The following ROBO2 variants were observed in gnomAD, a reference collection of about 807,000 sequenced individuals.
The protein encoded by ROBO2 is roundabout homolog 2.
A neutral mutation model predicts 160.8 loss-of-function variants in ROBO2; 53 were observed. The observed-to-expected ratio is 0.33, with a 90% CI of 0.26 to 0.41. The LOEUF (loss-of-function observed/expected upper bound fraction) is 0.41. Among genes scored for constraint, ROBO2 ranks in the 10% least tolerant of loss-of-function variants. ROBO2 has a pLI of 1.00. For missense variants in ROBO2, 1,577 were observed against 1,722.4 expected (o/e 0.92, Z 1.49); for synonymous variants, 664 against 611.7 (o/e 1.09, Z -1.26).
At chr3:76,911,272 C>A (rs1292852381) in intron 2 of ROBO2, among the ~76,000 whole-genome samples, 2 of 152,120 alleles carry the variant, frequency 1.3e-5, no homozygotes, top group Non-Finnish European at 2.9e-5. Flanking sequence ...CTGACATAAC[C>A]TTTCCTTTTT....
intron 23 of ROBO2, among the ~76,000 whole-genome samples, chr3:77,626,379 C>T (rs535739002): frequency 6.6e-6 from 1 of 152,114 alleles, no homozygotes; most frequent in Admixed American, 6.5e-5. Context: ...TTGCAATGAA[C>T]CTCATTTTAA....
chr3:77,540,125 G>A (rs548794630), intron 6 of ROBO2, among the ~76,000 whole-genome samples: 1 of 152,136 alleles, frequency 6.6e-6, no homozygotes, highest in African/African-American at 2.4e-5. Flanking sequence ...AAGCACTATA[G>A]GTTTATGAAT....
chr3:76,440,181 T>G (rs1033618800), intron 2 of ROBO2, among the ~76,000 whole-genome samples: 4 of 152,094 alleles, frequency 2.6e-5, no homozygotes, highest in African/African-American at 9.7e-5. Flanking sequence ...TAGCAAGACC[T>G]GGGGTCCAGA....
chr3:77,286,947 T>C (rs1019715126), intron 2 of ROBO2, among the ~76,000 whole-genome samples: 4 of 152,240 alleles, frequency 2.6e-5, no homozygotes, highest in African/African-American at 9.6e-5. Flanking sequence ...CTGACTCCTT[T>C]GTACAAGTGA....
chr3:77,378,900 G>A (rs756788048), intron 2 of ROBO2, among the ~76,000 whole-genome samples: 5 of 151,196 alleles, frequency 3.3e-5, no homozygotes, highest in East Asian at 1.9e-4. Flanking sequence ...CCCGGCATGC[G>A]TAACAAGTCA....
chr3:76,825,115 C>T (rs1182830256), intron 2 of ROBO2, among the ~76,000 whole-genome samples: 2 of 152,122 alleles, frequency 1.3e-5, no homozygotes, highest in African/African-American at 2.4e-5. Flanking sequence ...CACACCAGAA[C>T]GTGTAAAAGA....
intron 2 of ROBO2, among the ~76,000 whole-genome samples, chr3:76,505,308 A>T (rs576952534): frequency 2.6e-5 from 4 of 152,066 alleles, no homozygotes; most frequent in African/African-American, 9.7e-5. Flanking sequence ...TGTTTCCTCA[A>T]TTAGGAGCTC....
intron 2 of ROBO2, among the ~76,000 whole-genome samples, chr3:77,376,433 C>T (rs1017934063): frequency 4.6e-5 from 7 of 152,054 alleles, no homozygotes; most frequent in South Asian, 2.1e-4. Flanking sequence ...GCTGTGATTA[C>T]AGACGTGAGC....
chr3:77,299,735 T>C (rs1263427538), intron 2 of ROBO2, among the ~76,000 whole-genome samples: 2 of 152,136 alleles, frequency 1.3e-5, no homozygotes, highest in Non-Finnish European at 1.5e-5. Flanking sequence ...TCTTAGATTA[T>C]GATTGCAAAA....
At chr3:76,759,838 G>A (rs778015116) in intron 2 of ROBO2, among the ~76,000 whole-genome samples, 2 of 151,730 alleles carry the variant, frequency 1.3e-5, no homozygotes, top group Non-Finnish European at 2.9e-5. Flanking sequence ...TTTGGAGCCG[G>A]TGGGATTCCC....
chr3:76,194,350 G>GTGTGTGTATATATATA lies in ROBO2; in HGVS notation c.109+256749_109+256750insGTGTGTATATATATAT, dbSNP rs759087780. Among the ~76,000 whole-genome samples, 11 of 42,040 alleles carry GTGTGTGTATATATATA rather than the reference G, an allele frequency of 2.6e-4. 1 individual carries two copies. The highest frequency in any genetic ancestry group is 6.5e-4 in the African/African-American group (11 of 16,838). 27.6% of individuals were successfully genotyped at this position (42,040 alleles called of 152,430 possible). The stretch of plus-strand genomic sequence containing the variant: ...ATATCTATATAAATATGTATGGTGT[G>GTGTGTGTATATATATA]TAAATATATATATATATATATATAT... On this transcript the variant is annotated intron_variant, in intron 2 of 26. Transcript: ENST00000487694.
chr3:77,360,258 C>CG (rs1312174071), intron 2 of ROBO2, among the ~76,000 whole-genome samples: 2 of 150,968 alleles, frequency 1.3e-5, no homozygotes, highest in East Asian at 4.0e-4. Flanking sequence ...TGCAACCCCC[C>CG]CCCCAAATTT....
At chr3:77,090,862 C>T (rs2070132267) in intron 1 of ROBO2, among the ~76,000 whole-genome samples, 1 of 152,032 alleles carries the variant, frequency 6.6e-6, no homozygotes, top group Admixed American at 6.6e-5. Context: ...TGAAGTAATC[C>T]TGGAGAATCT....
chr3:76,108,552 T>C (rs1000370238), intron 2 of ROBO2, among the ~76,000 whole-genome samples: 2 of 151,910 alleles, frequency 1.3e-5, no homozygotes, highest in African/African-American at 4.8e-5. Flanking sequence ...TTTTGAATTA[T>C]ATCTATACTA....
chr3:75,907,892 A>T (rs924194270), intron 1 of ROBO2, among the ~76,000 whole-genome samples: 1 of 147,902 alleles, frequency 6.8e-6, no homozygotes, highest in African/African-American at 2.5e-5. Flanking sequence ...TATCAGAGAG[A>T]CAAAATTCCT....
intron 2 of ROBO2, among the ~76,000 whole-genome samples, chr3:77,455,260 T>A (rs2081509198): frequency 6.6e-6 from 1 of 152,064 alleles, no homozygotes; most frequent in Non-Finnish European, 1.5e-5. Context: ...GACGGAAACT[T>A]GAAAAAAGTG....
intron 2 of ROBO2, among the ~76,000 whole-genome samples, chr3:76,568,243 ATG>A (rs1484502610): frequency 7.2e-5 from 11 of 151,944 alleles, no homozygotes; most frequent in African/African-American, 2.4e-4. Context: ...TGGTATTCTT[ATG>A]TGTCATTTTT....
chr3:77,174,011 A>G (rs1415633302), intron 2 of ROBO2, among the ~76,000 whole-genome samples: 8 of 152,034 alleles, frequency 5.3e-5, no homozygotes, highest in Non-Finnish European at 1.0e-4. Flanking sequence ...CTTGACCCCA[A>G]CGTAGAAGAA....
intron 2 of ROBO2, among the ~76,000 whole-genome samples, chr3:76,227,839 C>T (rs1399370450): frequency 6.6e-6 from 1 of 152,170 alleles, no homozygotes; most frequent in Non-Finnish European, 1.5e-5. Flanking sequence ...ACTGCTCTGG[C>T]AATCTTTTGA....
Sources: allele counts gnomAD v4.1 joint callset (sites outside exome capture counted in the v4.1 genomes callset), GRCh38; gene constraint gnomAD v4.1.1; transcripts MANE v1.5; gene names NCBI Gene and HGNC (gene_info 2026-07-23, HGNC 2026-07-21).